Variants in SPATA13 observed in about 807,000 individuals in gnomAD.
The protein encoded by SPATA13 is spermatogenesis-associated protein 13.
A neutral mutation model predicts 104.0 loss-of-function variants in SPATA13; 50 were observed. The observed-to-expected ratio is 0.48, with a 90% CI of 0.38 to 0.61. SPATA13 has a LOEUF of 0.61. SPATA13 is among the 20% of genes least tolerant of loss of function. SPATA13 has a pLI of 0.00. For missense variants in SPATA13, 1,524 were observed against 1,690.6 expected, an observed-to-expected ratio of 0.90 and a Z score of 1.73; for synonymous variants, 606 against 667.5, an observed-to-expected ratio of 0.91 and a Z score of 1.42.
At chr13:24,006,470 T>G (rs1367370206) in intron 2 of SPATA13, among the ~76,000 whole-genome samples, 1 of 152,174 alleles carries the variant, frequency 6.6e-6, no homozygotes, top group Non-Finnish European at 1.5e-5. Flanking sequence ...TTTCATCTAA[T>G]GTGATGTGCG....
chr13:24,039,222 C>T (rs1877825350), intron 3 of SPATA13, among the ~76,000 whole-genome samples: 1 of 152,174 alleles, frequency 6.6e-6, no homozygotes, highest in Non-Finnish European at 1.5e-5. Flanking sequence ...TTGATTGTTC[C>T]ACTTTTAATT....
intron 10 of SPATA13, among the ~76,000 whole-genome samples, chr13:24,296,325 A>T (rs568557776): frequency 5.9e-5 from 9 of 152,336 alleles, no homozygotes; most frequent in South Asian, 2.1e-4. Flanking sequence ...CCTCCAAAAA[A>T]TATTGTGTGT....
intron 3 of SPATA13, among the ~76,000 whole-genome samples, chr13:24,020,938 A>T (rs568536058): frequency 1.3e-5 from 2 of 152,232 alleles, no homozygotes; most frequent in South Asian, 4.1e-4. Flanking sequence ...GCTACTCAGG[A>T]GGCTGAGGCA....
At chr13:23,982,307 G>A (rs536634881) in intron 1 of SPATA13, among the ~76,000 whole-genome samples, 1 of 152,306 alleles carries the variant, frequency 6.6e-6, no homozygotes, top group East Asian at 1.9e-4. Flanking sequence ...TGCAGCCTGG[G>A]AAACCTCTTT....
intron 3 of SPATA13, among the ~76,000 whole-genome samples, chr13:24,132,828 G>C (rs1881429626): frequency 6.6e-6 from 1 of 152,110 alleles, no homozygotes; most frequent in Non-Finnish European, 1.5e-5. Flanking sequence ...ACAAAAATTA[G>C]CCAGTCGTGG....
intron 3 of SPATA13, among the ~76,000 whole-genome samples, chr13:24,060,931 C>G (rs1878749564): frequency 6.6e-6 from 1 of 152,086 alleles, no homozygotes; most frequent in African/African-American, 2.4e-5. Flanking sequence ...CTCAGCTACT[C>G]CAGAGGCTAA....
At chr13:24,118,069 A>C (rs1462633171) in intron 3 of SPATA13, among the ~76,000 whole-genome samples, 1 of 152,192 alleles carries the variant, frequency 6.6e-6, no homozygotes, top group Non-Finnish European at 1.5e-5. Context: ...CAGATTATAA[A>C]TTGGTTGATC....
At chr13:24,080,423 C>T (rs555570238) in intron 3 of SPATA13, among the ~76,000 whole-genome samples, 11 of 152,324 alleles carry the variant, frequency 7.2e-5, no homozygotes, top group Non-Finnish European at 1.2e-4. Context: ...GTCACCTTGA[C>T]ACCATCACAT....
intron 9 of SPATA13, among the ~76,000 whole-genome samples, chr13:24,291,749 T>TTTTTATTTTTTTTTTATTTTTTA (rs1566197867): frequency 1.3e-5 from 1 of 79,784 alleles, no homozygotes; most frequent in Non-Finnish European, 2.5e-5. Flanking sequence ...TATTTTTTTA[T>TTTTTATTTTTTTTTTATTTTTTA]TTTTTTATTT....
At chr13:24,294,971 C>A in intron 10 of SPATA13, 103 bp downstream of exon 10, 2 of 1,271,576 alleles carry the variant, frequency 1.6e-6, no homozygotes, top group Non-Finnish European at 2.1e-6. Context: ...ATCTTATATT[C>A]TTGGCTTTAA....
chr13:24,236,864 G>C (rs1872600232), intron 2 of SPATA13, among the ~76,000 whole-genome samples: 1 of 152,122 alleles, frequency 6.6e-6, no homozygotes, highest in East Asian at 1.9e-4. Flanking sequence ...TAGAATTACT[G>C]TATGATCCAG....
intron 3 of SPATA13, among the ~76,000 whole-genome samples, chr13:24,120,039 C>T (rs751204182): frequency 2.8e-4 from 43 of 152,116 alleles, no homozygotes; most frequent in Admixed American, 7.9e-4. Flanking sequence ...ACCAAATGGC[C>T]GTTGTTCCAT....
intron 2 of SPATA13, among the ~76,000 whole-genome samples, chr13:24,012,845 C>T (rs371445233): frequency 2.0e-5 from 3 of 152,206 alleles, no homozygotes; most frequent in Non-Finnish European, 4.4e-5. Flanking sequence ...TTGGTTTATG[C>T]GTCTGCAGGT....
At chr13:24,000,730 G>C (rs781601131) in intron 2 of SPATA13, among the ~76,000 whole-genome samples, 18 of 152,070 alleles carry the variant, frequency 1.2e-4, no homozygotes, top group Non-Finnish European at 2.5e-4. Flanking sequence ...ATTTGGGAGA[G>C]CTCTGGGTCA....
chr13:24,232,482 A>T (rs1239357439), intron 2 of SPATA13, among the ~76,000 whole-genome samples: 1 of 152,222 alleles, frequency 6.6e-6, no homozygotes, highest in African/African-American at 2.4e-5. Flanking sequence ...TCAAGTTGAC[A>T]CATCAAATTA....
chr13:24,213,801 T>C (rs1871150331), intron 1 of SPATA13, among the ~76,000 whole-genome samples: 2 of 152,220 alleles, frequency 1.3e-5, no homozygotes, highest in Admixed American at 1.3e-4. Flanking sequence ...ACGAGAATCT[T>C]ATAGGAAAAA....
intron 2 of SPATA13, among the ~76,000 whole-genome samples, chr13:24,244,516 T>C (rs1007077719): frequency 3.3e-5 from 5 of 152,234 alleles, no homozygotes; most frequent in African/African-American, 1.2e-4. Context: ...GAGTAAAATA[T>C]GAAATCTTAT....
At chr13:24,146,359 A>C (rs1034563212) in intron 3 of SPATA13, among the ~76,000 whole-genome samples, 2 of 152,190 alleles carry the variant, frequency 1.3e-5, no homozygotes, top group Non-Finnish European at 2.9e-5. Context: ...CTCCAATTTC[A>C]ACTCCTCTCC....
rs148167019 is a variant in SPATA13, at chr13:24,222,756, C to T, written c.-111-63C>T. On this transcript the variant is annotated intron_variant, in intron 1 of 12. Coordinates refer to ENST00000382108, the MANE Select transcript of SPATA13 (RefSeq NM_001166271.3). ...CCTGTGCTGGAGCGTGCCTCTTCTT[C>T]TGTGAGCAGAGGGGCTACTGCGTGG... The T allele has an allele frequency of 8.8e-4, 1,230 of 1,397,920 alleles. 2 individuals are homozygous for T. Among genetic ancestry groups the T allele is most frequent in the Middle Eastern group, 6.6e-3 (36 of 5,424 alleles). The allele number at this position is 1,397,920 out of a possible 1,614,324, so 86.6% of individuals were successfully genotyped here. A position where few individuals can be genotyped will look rare whatever the true frequency, so the allele number is the denominator to read the frequency against.
Sources: gnomAD v4.1 joint callset for allele counts (sites outside exome capture counted in the v4.1 genomes callset) on GRCh38, gnomAD v4.1.1 for gene constraint, MANE v1.5 for transcripts, NCBI Gene and HGNC (gene_info 2026-07-23, HGNC 2026-07-21) for gene names.